The following SLC17A1 variants were observed in gnomAD, a reference collection of about 807,000 sequenced individuals.
SLC17A1 encodes the protein sodium-dependent phosphate transport protein 1.
Under a neutral mutation model 53.5 loss-of-function variants are expected in SLC17A1, and 51 were observed. The observed-to-expected ratio is 0.95, with a 90% CI of 0.76 to 1.20. SLC17A1 has a LOEUF of 1.20. SLC17A1 is among the 50% of genes most tolerant of loss of function. The probability of loss-of-function intolerance (pLI) is 0.00; values close to 1 mark genes in which losing one functional copy is unlikely to be tolerated. For missense variants in SLC17A1, 538 were observed against 568.2 expected (o/e 0.95, Z 0.54); for synonymous variants, 179 against 198.8 (o/e 0.90, Z 0.84).
the SLC17A1 span, among the ~76,000 whole-genome samples, chr6:25,724,798 A>G: frequency 1.0e-3 from 152 of 152,336 alleles, 1 homozygote; most frequent in Non-Finnish European, 1.4e-3. Context: ...ACCCAGTTTT[A>G]TTCAACATAT....
chr6:25,772,241 C>T, the SLC17A1 span, among the ~76,000 whole-genome samples: 1 of 152,132 alleles, frequency 6.6e-6, no homozygotes, highest in Admixed American at 6.5e-5. Flanking sequence ...CAGTAAGGAG[C>T]ATATACGCAA....
chr6:25,724,217 AG>A, the SLC17A1 span, among the ~76,000 whole-genome samples: 1 of 152,212 alleles, frequency 6.6e-6, no homozygotes, highest in Non-Finnish European at 1.5e-5. Flanking sequence ...TGAGGTCAGG[AG>A]TTGGAGACCA....
the SLC17A1 span, among the ~76,000 whole-genome samples, chr6:25,730,310 A>G: frequency 1.3e-5 from 2 of 152,236 alleles, no homozygotes; most frequent in African/African-American, 4.8e-5. Context: ...TACATACATA[A>G]TAGAATACTA....
At chr6:25,805,876 T>A (rs1200329544) in intron 10 of SLC17A1, among the ~76,000 whole-genome samples, 2 of 151,724 alleles carry the variant, frequency 1.3e-5, no homozygotes, top group Non-Finnish European at 1.5e-5. Context: ...TCAGTAATTT[T>A]AAAAAATTGC....
At chr6:25,795,343 G>A (rs1400912480) in intron 12 of SLC17A1, among the ~76,000 whole-genome samples, 1 of 151,922 alleles carries the variant, frequency 6.6e-6, no homozygotes, top group African/African-American at 2.4e-5. Flanking sequence ...TATTTTGGAA[G>A]GAGAAAAAAA....
At chr6:25,769,100 C>A in the SLC17A1 span, 7 of 1,613,866 alleles carry the variant, frequency 4.3e-6, no homozygotes, top group Middle Eastern at 1.6e-4. Context: ...ACAACACAGC[C>A]CCACCTAGCC....
intron 10 of SLC17A1, among the ~76,000 whole-genome samples, chr6:25,806,785 A>T (rs1176858996): frequency 6.6e-6 from 1 of 152,146 alleles, no homozygotes; most frequent in Admixed American, 6.6e-5. Context: ...TGCATTGACA[A>T]AGAACTAATA....
downstream of SLC17A1, chr6:25,778,952 G>T: frequency 1.4e-6 from 2 of 1,464,402 alleles, no homozygotes; most frequent in Non-Finnish European, 1.9e-6. Flanking sequence ...AGCCAGAGTG[G>T]AGGTCGGGGA....
chr6:25,753,981 C>A, the SLC17A1 span, among the ~76,000 whole-genome samples: 133 of 152,140 alleles, frequency 8.7e-4, 1 homozygote, highest in Non-Finnish European at 1.6e-3. Flanking sequence ...AAGGAACAAC[C>A]AATGAGACAC....
chr6:25,790,277 G>A (rs544575902), intron 12 of SLC17A1, among the ~76,000 whole-genome samples: 2 of 152,100 alleles, frequency 1.3e-5, no homozygotes, highest in African/African-American at 4.8e-5. Flanking sequence ...TCTGGAAGAC[G>A]GTGGAGAAGC....
intron 6 of SLC17A1, among the ~76,000 whole-genome samples, chr6:25,814,162 C>T (rs1258648979): frequency 6.6e-6 from 1 of 152,296 alleles, no homozygotes; most frequent in South Asian, 2.1e-4. Context: ...GAGGAATTCT[C>T]TGCTGGGACA....
At chr6:25,724,199 G>T in the SLC17A1 span, among the ~76,000 whole-genome samples, 1 of 152,136 alleles carries the variant, frequency 6.6e-6, no homozygotes, top group East Asian at 1.9e-4. Flanking sequence ...TGAGGCTGGC[G>T]GATCACCTGA....
intron 3 of SLC17A1, among the ~76,000 whole-genome samples, chr6:25,824,190 GCAA>G (rs1290796433): frequency 6.6e-6 from 1 of 151,676 alleles, no homozygotes; most frequent in Non-Finnish European, 1.5e-5. Context: ...TTTCTTATAT[GCAA>G]CAACAAAAGC....
chr6:25,726,218 C>T, the SLC17A1 span: 3 of 1,612,004 alleles, frequency 1.9e-6, no homozygotes, highest in Non-Finnish European at 2.5e-6. Flanking sequence ...CCGCCCTGGG[C>T]AATGGTCACG....
chr6:25,779,175 T>C, downstream of SLC17A1: 1 of 1,613,710 alleles, frequency 6.2e-7, no homozygotes, highest in South Asian at 1.1e-5. Flanking sequence ...GAGCAGACAT[T>C]CACCCACCTC....
chr6:25,791,190 C>T (rs1052595191), intron 12 of SLC17A1, among the ~76,000 whole-genome samples: 2 of 152,076 alleles, frequency 1.3e-5, no homozygotes, highest in African/African-American at 4.8e-5. Flanking sequence ...TTATAACTAC[C>T]AATTTCTCCC....
intron 12 of SLC17A1, among the ~76,000 whole-genome samples, chr6:25,791,445 C>T (rs1051362422): frequency 6.6e-6 from 1 of 151,684 alleles, no homozygotes; most frequent in African/African-American, 2.4e-5. Context: ...AATATTAAGC[C>T]CAGAAATAGA....
At chr6:25,758,503 C>T in the SLC17A1 span, among the ~76,000 whole-genome samples, 8 of 152,296 alleles carry the variant, frequency 5.3e-5, no homozygotes, top group African/African-American at 1.9e-4. Context: ...TCTATTTCTT[C>T]CTGGTTTAAT....
the SLC17A1 span, among the ~76,000 whole-genome samples, chr6:25,728,845 A>G: frequency 6.6e-6 from 1 of 152,220 alleles, no homozygotes; most frequent in Non-Finnish European, 1.5e-5. Context: ...TCAATGTATA[A>G]CAAGACCCGT....
Sources: gnomAD v4.1 joint callset for allele counts (sites outside exome capture counted in the v4.1 genomes callset) on GRCh38, gnomAD v4.1.1 for gene constraint, MANE v1.5 for transcripts, NCBI Gene and HGNC (gene_info 2026-07-23, HGNC 2026-07-21) for gene names.